Variants in MYO3B observed in about 807,000 individuals in gnomAD.
The protein encoded by MYO3B is myosin-IIIb.
A neutral mutation model predicts 174.6 loss-of-function variants in MYO3B; 156 were observed. That is an observed-to-expected ratio of 0.89 (90% CI 0.78 to 1.02). The LOEUF (loss-of-function observed/expected upper bound fraction) is 1.02, where lower values mean the gene tolerates loss of function less well. MYO3B is among the 50% of genes least tolerant of loss of function. MYO3B has a pLI of 0.00. For missense variants in MYO3B, 1,632 were observed against 1,639.4 expected (o/e 1.00, Z 0.08); for synonymous variants, 563 against 569.1 (o/e 0.99, Z 0.15).
chr2:170,249,441 A>G (rs1199737669), intron 7 of MYO3B, among the ~76,000 whole-genome samples: 1 of 152,190 alleles, frequency 6.6e-6, no homozygotes, highest in Admixed American at 6.5e-5. Flanking sequence ...TCTTATTCAT[A>G]TCAACATTTG....
At chr2:170,479,826 G>T (rs1215122790) in intron 25 of MYO3B, among the ~76,000 whole-genome samples, 1 of 147,326 alleles carries the variant, frequency 6.8e-6, no homozygotes, top group Non-Finnish European at 1.5e-5. Context: ...ACATATATAG[G>T]TTTAATATAT....
Position 170,463,362 on chromosome 2 carries a change from T to G in MYO3B, c.2731-6T>G. The G allele has an allele frequency of 6.2e-7, 1 of 1,612,340 alleles. No homozygotes were observed. The highest frequency in any genetic ancestry group is 8.5e-7 in the Non-Finnish European group (1 of 1,178,992). On this transcript the variant is annotated splice_region_variant and splice_polypyrimidine_tract_variant and intron_variant, in intron 23 of 34. Transcript: ENST00000408978. ...TCAAACCACTTGCCTCCACCTATGC[T>G]TCCAGGTGGACACTCTGGAGGTGAT...
chr2:170,567,018 A>G (rs1692115129), intron 32 of MYO3B, among the ~76,000 whole-genome samples: 1 of 152,128 alleles, frequency 6.6e-6, no homozygotes, highest in Non-Finnish European at 1.5e-5. Context: ...TTTTAAACTG[A>G]GACACTTAGC....
At chr2:170,618,444 C>A (rs11696101) in intron 32 of MYO3B, among the ~76,000 whole-genome samples, 67,575 of 151,814 alleles carry the variant, frequency 0.45, 15,232 homozygotes, top group Non-Finnish European at 0.48. Flanking sequence ...TTAGCGTGGT[C>A]TTTTCTTCTT....
intron 30 of MYO3B, among the ~76,000 whole-genome samples, chr2:170,520,435 G>GTA (rs1397576841): frequency 4.0e-5 from 6 of 149,332 alleles, no homozygotes; most frequent in East Asian, 3.9e-4. Context: ...ATTAAAATAT[G>GTA]TATATATATA....
At position 170,217,328 on chromosome 2, in the gene MYO3B, C is replaced by T; in HGVS notation, c.536C>T (p.Ala179Val). ...TACTCTTTCCTTATAGGTGTTTCAG[C>T]TCAACTCACCAGTACACGTCTGCGG... ...GVKLVDFGVS[A>V]QLTSTRLRRN... Residue 179 changes from alanine to valine, a missense_variant, in exon 6 of 35, where the codon GCT (alanine) becomes GTT (valine). Ala to Val is a moderately conservative substitution (Grantham distance 64). Transcript: ENST00000408978. 6.2e-7 allele frequency: 1 copy of T among 1,613,992 alleles called. No individual in the cohort carries two copies. The highest frequency in any genetic ancestry group is 1.1e-5 in the South Asian group (1 of 91,080).
chr2:170,573,225 GTGTA>G (rs1274880113), intron 32 of MYO3B, among the ~76,000 whole-genome samples: 3 of 75,468 alleles, frequency 4.0e-5, no homozygotes, highest in African/African-American at 1.8e-4. Context: ...TGTATACTGT[GTGTA>G]TATATATATA....
At chr2:170,270,697 C>T (rs751747056) in intron 7 of MYO3B, among the ~76,000 whole-genome samples, 2 of 152,128 alleles carry the variant, frequency 1.3e-5, no homozygotes, top group African/African-American at 2.4e-5. Flanking sequence ...TTTCCTCCAA[C>T]GTGGCAAGGC....
chr2:170,268,547 A>G (rs559670242), intron 7 of MYO3B, among the ~76,000 whole-genome samples: 1 of 152,342 alleles, frequency 6.6e-6, no homozygotes, highest in South Asian at 2.1e-4. Flanking sequence ...TATTCACTTC[A>G]TTGAACATTT....
intron 7 of MYO3B, among the ~76,000 whole-genome samples, chr2:170,317,495 G>A (rs1052672653): frequency 9.9e-5 from 15 of 152,088 alleles, no homozygotes; most frequent in African/African-American, 3.6e-4. Context: ...TGGAGTTAGG[G>A]CCATTTTGGG....
At chr2:170,376,158 T>C (rs1052877393) in intron 9 of MYO3B, among the ~76,000 whole-genome samples, 11 of 152,146 alleles carry the variant, frequency 7.2e-5, no homozygotes, top group Admixed American at 5.2e-4. Flanking sequence ...AATTTATGCA[T>C]TGTATTGTTT....
chr2:170,555,476 T>C (rs1301418346), intron 32 of MYO3B, among the ~76,000 whole-genome samples: 1 of 152,202 alleles, frequency 6.6e-6, no homozygotes, highest in Non-Finnish European at 1.5e-5. Context: ...TATTTACTTA[T>C]TGATTTTAGT....
At chr2:170,299,748 T>A (rs965233793) in intron 7 of MYO3B, among the ~76,000 whole-genome samples, 8 of 152,284 alleles carry the variant, frequency 5.3e-5, no homozygotes, top group African/African-American at 1.9e-4. Flanking sequence ...TGAGTATAAA[T>A]GGAAATAAAC....
chr2:170,343,670 A>G (rs2093994369), intron 8 of MYO3B: 1 of 152,270 alleles, frequency 6.6e-6, no homozygotes, highest in Non-Finnish European at 1.5e-5. Context: ...CAGAGAGAGA[A>G]GAGTTAAACA....
chr2:170,620,504 G>A (rs1695823428), intron 32 of MYO3B, among the ~76,000 whole-genome samples: 1 of 152,212 alleles, frequency 6.6e-6, no homozygotes, highest in Non-Finnish European at 1.5e-5. Flanking sequence ...ATTTTACCCT[G>A]CTTGTAGGCT....
rs370472586 is a variant in MYO3B, at chr2:170,280,515, A to G, written c.749+44379A>G. Reference sequence around the variant, plus strand: ...GCTTTTGTGGCAATTTTGCCATGAAATTTTTGCCATGAAATTTTGTCATGA... The same window carrying G: ...GCTTTTGTGGCAATTTTGCCATGAAGTTTTTGCCATGAAATTTTGTCATGA... On this transcript the variant is annotated intron_variant, in intron 7 of 34. Coordinates refer to ENST00000408978, the MANE Select transcript of MYO3B (RefSeq NM_138995.5). 2.7e-5 allele frequency among the ~76,000 whole-genome samples: 4 copies of G among 148,642 alleles called. No individual in the cohort carries two copies. The East Asian group carries it at 7.7e-4, about 29-fold the overall frequency.
Position 170,622,078 on chromosome 2 carries a change from C to T in MYO3B, c.3734-29550C>T, listed in dbSNP as rs986899460. Among the ~76,000 whole-genome samples, 18 of 152,142 alleles carry T rather than the reference C, an allele frequency of 1.2e-4. No individual in the cohort carries two copies. In the South Asian group the frequency reaches 3.1e-3, roughly 26 times the overall value. ...ATTTCTACCTTTAAATCGGCTCCAC[C>T]CTTCTAAATACTGAGAATCTAAATC... On this transcript the variant is annotated intron_variant, in intron 32 of 34. Transcript: ENST00000408978.
chr2:170,183,243 C>G (rs1199918017), intron 1 of MYO3B, among the ~76,000 whole-genome samples: 2 of 151,308 alleles, frequency 1.3e-5, no homozygotes, highest in Non-Finnish European at 2.9e-5. Flanking sequence ...GGCCACAGAG[C>G]AAGACTCTGT....
At chr2:170,252,208 T>G (rs2093260978) in intron 7 of MYO3B, among the ~76,000 whole-genome samples, 1 of 152,218 alleles carries the variant, frequency 6.6e-6, no homozygotes, top group African/African-American at 2.4e-5. Context: ...AGTTCACATG[T>G]TATCACTTCA....
Sources: allele counts gnomAD v4.1 joint callset (sites outside exome capture counted in the v4.1 genomes callset), GRCh38; gene constraint gnomAD v4.1.1; transcripts MANE v1.5; gene names NCBI Gene and HGNC (gene_info 2026-07-23, HGNC 2026-07-21).